The following LRP1B variants were observed in gnomAD, a reference collection of about 807,000 sequenced individuals.
LRP1B encodes the protein low-density lipoprotein receptor-related protein 1B.
In LRP1B, 217 loss-of-function variants were observed where a neutral mutation model predicts 556.6. The ratio of observed to expected loss-of-function variants is 0.39; its 90% CI spans 0.35 to 0.44. The LOEUF (loss-of-function observed/expected upper bound fraction) is 0.44. Among genes scored for constraint, LRP1B ranks in the 20% least tolerant of loss-of-function variants. The pLI, the probability that LRP1B is intolerant of heterozygous loss-of-function variation, is 1.00. For missense variants in LRP1B, 5,053 were observed against 5,620.8 expected (o/e 0.90, Z 3.23); for synonymous variants, 2,047 against 1,865.8 (o/e 1.10, Z -2.50).
chr2:141,857,375 C>G (rs1038873412), intron 1 of LRP1B, among the ~76,000 whole-genome samples: 2 of 152,002 alleles, frequency 1.3e-5, no homozygotes, highest in Non-Finnish European at 2.9e-5. Flanking sequence ...GGGTCTTGCT[C>G]TGTCACCCAG....
At chr2:141,646,891 C>G (rs1397801062) in intron 2 of LRP1B, among the ~76,000 whole-genome samples, 2 of 152,086 alleles carry the variant, frequency 1.3e-5, no homozygotes, top group Non-Finnish European at 2.9e-5. Flanking sequence ...TAGAGTCAGT[C>G]AAGGGGGGAA....
chr2:141,153,654 A>G (rs903036104), intron 7 of LRP1B, among the ~76,000 whole-genome samples: 2 of 143,648 alleles, frequency 1.4e-5, no homozygotes, highest in Non-Finnish European at 3.0e-5. Flanking sequence ...ATAGCTTTAC[A>G]TATCTATTTC....
At chr2:141,488,230 T>C (rs1053448163) in intron 2 of LRP1B, among the ~76,000 whole-genome samples, 21 of 152,084 alleles carry the variant, frequency 1.4e-4, no homozygotes, top group South Asian at 4.1e-4. Flanking sequence ...AATGTAGCAA[T>C]AAAAACATAT....
At chr2:140,589,202 T>C (rs1682116695) in intron 43 of LRP1B, among the ~76,000 whole-genome samples, 1 of 152,048 alleles carries the variant, frequency 6.6e-6, no homozygotes, top group Non-Finnish European at 1.5e-5. Flanking sequence ...TTAAAAATAA[T>C]CAAAATAAAT....
chr2:141,987,607 GT>G (rs1448873188), intron 1 of LRP1B, among the ~76,000 whole-genome samples: 1 of 149,984 alleles, frequency 6.7e-6, no homozygotes, highest in Non-Finnish European at 1.5e-5. Context: ...AGAGCTTAGG[GT>G]TTGGGAGGGA....
rs1558825537 is a variant in LRP1B at position 140,356,448 on chromosome 2, A to G, written c.11424T>C (p.Asn3808=). 2.5e-6 allele frequency: 4 copies of G among 1,606,934 alleles called. No individual in the cohort carries two copies. Among genetic ancestry groups the G allele is most frequent in the Non-Finnish European group, 3.4e-6 (4 of 1,174,320 alleles). Residue 3808 remains asparagine (N), a synonymous_variant, in exon 75 of 91, where the codon AAT becomes AAC. Coordinates refer to ENST00000389484, the MANE Select transcript of LRP1B (RefSeq NM_018557.3). Reference sequence around the variant, plus strand: ...ATGCATCATCTCCACATGGATTCACATTATCTTCACAGGTATATTCAGTAG... The same window carrying G: ...ATGCATCATCTCCACATGGATTCACGTTATCTTCACAGGTATATTCAGTAG... ...IAPTEYTCED[N]VNPCGDDAYC...
chr2:141,885,478 AAAACAAACAAAC>A (rs138474799), intron 1 of LRP1B, among the ~76,000 whole-genome samples: 2 of 151,996 alleles, frequency 1.3e-5, no homozygotes, highest in African/African-American at 4.8e-5. Flanking sequence ...TTCTTTTTGT[AAAACAAACAAAC>A]AAACAAACAA....
chr2:140,697,111 T>C (rs1366741792), intron 41 of LRP1B, among the ~76,000 whole-genome samples: 2 of 152,164 alleles, frequency 1.3e-5, no homozygotes, highest in East Asian at 3.9e-4. Context: ...TTGGCCATCA[T>C]GTTTCACTTC....
intron 7 of LRP1B, among the ~76,000 whole-genome samples, chr2:141,153,307 A>AGCTATATATATTTATATAATAATATAT (rs1389029215): frequency 4.8e-4 from 58 of 121,958 alleles, no homozygotes; most frequent in Non-Finnish European, 8.4e-4. Flanking sequence ...ATAATATATT[A>AGCTATATATATTTATATAATAATATAT]TATATATTAG....
At chr2:142,019,569 C>T (rs908655945) in intron 1 of LRP1B, among the ~76,000 whole-genome samples, 1 of 152,156 alleles carries the variant, frequency 6.6e-6, no homozygotes, top group Non-Finnish European at 1.5e-5. Flanking sequence ...CCACTTCTAT[C>T]CTTCCCCATT....
At chr2:140,379,371 A>G (rs576821788) in intron 67 of LRP1B, among the ~76,000 whole-genome samples, 2 of 152,222 alleles carry the variant, frequency 1.3e-5, no homozygotes, top group African/African-American at 4.8e-5. Flanking sequence ...ATGGTTTGGT[A>G]TCATGAGGGT....
chr2:141,810,113 AAAAGAAAGAAAGAAAG>A (rs67681645), intron 2 of LRP1B, among the ~76,000 whole-genome samples, 150 bp downstream of exon 2: 82 of 77,932 alleles, frequency 1.1e-3, no homozygotes, highest in African/African-American at 3.3e-3. Context: ...GAAAGAAAGA[AAAAGAAAGAAAGAAAG>A]AAAGAAAGAA....
chr2:140,533,977 A>G, intron 47 of LRP1B, 44 bp downstream of exon 47: 1 of 1,608,906 alleles, frequency 6.2e-7, no homozygotes. Flanking sequence ...TTCAGGAAAC[A>G]CTTAGCACAC....
intron 7 of LRP1B, among the ~76,000 whole-genome samples, chr2:141,126,863 C>A (rs1558878981): frequency 6.6e-6 from 1 of 151,986 alleles, no homozygotes; most frequent in East Asian, 1.9e-4. Flanking sequence ...ATTCATTTTT[C>A]TTCTTTTCTT....
chr2:140,414,302 A>T (rs574261328), intron 66 of LRP1B, among the ~76,000 whole-genome samples: 5 of 152,150 alleles, frequency 3.3e-5, no homozygotes, highest in Admixed American at 6.5e-5. Flanking sequence ...AAGGCAATTA[A>T]ATCATAGTTA....
At chr2:141,782,514 CTTTTTTTT>C (rs5834867) in intron 2 of LRP1B, among the ~76,000 whole-genome samples, 1 of 97,864 alleles carries the variant, frequency 1.0e-5, no homozygotes, top group East Asian at 3.0e-4. Flanking sequence ...TTCTATTTTC[CTTTTTTTT>C]TTTTTTTTTT....
Position 140,435,582 on chromosome 2 carries a change from G to C in LRP1B, c.10414+6922C>G, listed in dbSNP as rs548962567. Reference sequence around the variant, plus strand: ...ATCAATCCAGAGTCTAGAATATTTGGCATGCCTCCTGACTCATTGTGTAGG... The same window carrying C: ...ATCAATCCAGAGTCTAGAATATTTGCCATGCCTCCTGACTCATTGTGTAGG... On this transcript the variant is annotated intron_variant, in intron 66 of 90. Coordinates refer to ENST00000389484, the MANE Select transcript of LRP1B (RefSeq NM_018557.3). Among the ~76,000 whole-genome samples the C allele has an allele frequency of 1.3e-4, 20 of 151,750 alleles. No homozygotes were observed. The East Asian group carries it at 3.9e-3, about 30-fold the overall frequency.
chr2:141,978,936 T>G (rs1308884003), intron 1 of LRP1B, among the ~76,000 whole-genome samples: 2 of 151,906 alleles, frequency 1.3e-5, no homozygotes, highest in Admixed American at 6.6e-5. Context: ...TAAGACATTT[T>G]TTTTTCTGAT....
At position 141,533,765 on chromosome 2, in the gene LRP1B, G is replaced by T. The variant is rs550063942; in HGVS notation, c.206-53232C>A. Among the ~76,000 whole-genome samples, 6 of 152,234 alleles carry T rather than the reference G, an allele frequency of 3.9e-5. No individual in the cohort carries two copies. In the South Asian group the frequency reaches 1.2e-3, roughly 32 times the overall value. Reference sequence around the variant, plus strand: ...TTTGTTACAATGCACAGGTCTAAGGGTTTCAGTGCCTAATCACCTGCATTC... The same window carrying T: ...TTTGTTACAATGCACAGGTCTAAGGTTTTCAGTGCCTAATCACCTGCATTC... On this transcript the variant is annotated intron_variant, in intron 2 of 90. Coordinates refer to ENST00000389484, the MANE Select transcript of LRP1B (RefSeq NM_018557.3).
Sources: gnomAD v4.1 joint callset for allele counts (sites outside exome capture counted in the v4.1 genomes callset) on GRCh38, gnomAD v4.1.1 for gene constraint, MANE v1.5 for transcripts, NCBI Gene and HGNC (gene_info 2026-07-23, HGNC 2026-07-21) for gene names.